The following AP1B1 variants were observed in gnomAD, a reference collection of about 807,000 sequenced individuals.
The protein encoded by AP1B1 is adaptor related protein complex 1 subunit beta 1.
AP1B1 carries 36 observed loss-of-function variants against 104.3 expected under a neutral mutation model. That is an observed-to-expected ratio of 0.35 (90% CI 0.26 to 0.46). AP1B1 has a LOEUF of 0.46. Ranked by LOEUF, AP1B1 falls within the 20% of genes least tolerant of loss-of-function variation. The probability of loss-of-function intolerance (pLI) is 1.00; values close to 1 mark genes in which losing one functional copy is unlikely to be tolerated. For synonymous variants in AP1B1, 504 were observed against 517.5 expected, an observed-to-expected ratio of 0.97 and a Z score of 0.35; for missense variants, 901 against 1,247.9, an observed-to-expected ratio of 0.72 and a Z score of 4.19.
At chr22:29,330,743 GC>G in intron 19 of AP1B1, 34 bp from the exon 20 acceptor site, 1 of 1,577,272 alleles carries the variant, frequency 6.3e-7, no homozygotes. Flanking sequence ...TGAGAGGCGA[GC>G]CCCTCATAAA....
intron 11 of AP1B1, 138 bp from the exon 12 acceptor site, chr22:29,342,521 C>A: frequency 1.4e-6 from 1 of 691,280 alleles, no homozygotes. Context: ...GGGGCTGTCA[C>A]GGCACACAGG....
At chr22:29,377,195 C>CAAAAAAAA (rs34466410) in intron 1 of AP1B1, among the ~76,000 whole-genome samples, 3 of 64,674 alleles carry the variant, frequency 4.6e-5, no homozygotes, top group African/African-American at 6.5e-5. Flanking sequence ...GACCCTGTCT[C>CAAAAAAAA]AAAAAAAAAA....
At position 29,341,558 on chromosome 22, in the gene AP1B1, G is replaced by A. The variant is rs765819352; in HGVS notation, c.1739C>T (p.Ala580Val). The part of the protein sequence containing the change: ...LASVYHKPPS[A>V]FVEGGRGVVH... Reference sequence around the variant, plus strand: ...GACGCCCCGGCCCCCCTCCACAAAGGCACTGGGAGGCTTATGGTAGACGGA... The same window carrying A: ...GACGCCCCGGCCCCCCTCCACAAAGACACTGGGAGGCTTATGGTAGACGGA... The change falls in exon 13 of 23, where the codon GCC (alanine) becomes GTC (valine). Residue 580 changes from alanine (A) to valine (V), a missense_variant. This residue lies in a region of AP1B1 where 424 missense variants were observed against 494.0 expected (regional missense o/e 0.86). Transcript: ENST00000357586. The A allele has an allele frequency of 2.5e-6, 4 of 1,614,214 alleles. No individual in the cohort carries two copies. In the Admixed American group the frequency reaches 6.7e-5, roughly 27 times the overall value.
At chr22:29,363,367 T>C (rs1386223197) in intron 2 of AP1B1, among the ~76,000 whole-genome samples, 4 of 152,106 alleles carry the variant, frequency 2.6e-5, no homozygotes, top group Non-Finnish European at 5.9e-5. Context: ...ATGCTGAGGA[T>C]TGGCCAGCAC....
At chr22:29,365,752 C>T (rs1260023050) in intron 2 of AP1B1, among the ~76,000 whole-genome samples, 3 of 151,592 alleles carry the variant, frequency 2.0e-5, no homozygotes, top group African/African-American at 7.3e-5. Flanking sequence ...AGCTCATGCC[C>T]ACTACCTTCC....
intron 16 of AP1B1, among the ~76,000 whole-genome samples, chr22:29,337,124 T>G (rs1014868814): frequency 6.6e-6 from 1 of 152,192 alleles, no homozygotes; most frequent in Non-Finnish European, 1.5e-5. Context: ...TGAAGGCAGG[T>G]GCACAGGTGG....
intron 3 of AP1B1, 125 bp from the exon 4 acceptor site, chr22:29,360,084 C>G (rs2062021297): frequency 3.8e-6 from 4 of 1,064,086 alleles, no homozygotes; most frequent in Non-Finnish European, 5.3e-6. Flanking sequence ...ACTGGACTTC[C>G]TGGTAAAAGG....
At chr22:29,357,567 T>C (rs1411125669) in intron 5 of AP1B1, among the ~76,000 whole-genome samples, 6 of 152,108 alleles carry the variant, frequency 3.9e-5, no homozygotes, top group Admixed American at 6.6e-5. Flanking sequence ...GGTTTCACTA[T>C]GTTGGCCAGG....
chr22:29,378,345 G>A (rs1009656607), intron 1 of AP1B1, among the ~76,000 whole-genome samples: 7 of 151,756 alleles, frequency 4.6e-5, no homozygotes, highest in Admixed American at 1.3e-4. Context: ...TCTCTTGAGC[G>A]CAGGAGTTCA....
chr22:29,378,852 C>T (rs1035056827), intron 1 of AP1B1, among the ~76,000 whole-genome samples: 8 of 111,220 alleles, frequency 7.2e-5, no homozygotes, highest in African/African-American at 2.8e-4. Flanking sequence ...GAGCAAGACT[C>T]CGTCCCACAA....
intron 6 of AP1B1, 53 bp from the exon 7 acceptor site, chr22:29,354,924 C>T: frequency 6.6e-7 from 1 of 1,526,260 alleles, no homozygotes; most frequent in Non-Finnish European, 9.1e-7. Context: ...GGGAAACATT[C>T]TGTTTTTAGT....
chr22:29,344,830 G>A (rs990845100), intron 11 of AP1B1, among the ~76,000 whole-genome samples: 2 of 151,878 alleles, frequency 1.3e-5, no homozygotes, highest in Admixed American at 6.6e-5. Context: ...GACTTTCTAA[G>A]TCTGCTGTCC....
intron 1 of AP1B1, among the ~76,000 whole-genome samples, chr22:29,376,191 A>G (rs1402738599): frequency 7.9e-5 from 12 of 152,240 alleles, no homozygotes; most frequent in Admixed American, 7.9e-4. Context: ...AAACAGTAAG[A>G]AGCCAAACAA....
chr22:29,357,070 T>G (rs1195684852), intron 5 of AP1B1, among the ~76,000 whole-genome samples: 10 of 142,116 alleles, frequency 7.0e-5, no homozygotes, highest in Non-Finnish European at 1.4e-4. Flanking sequence ...TTGTTTTTTG[T>G]TTTTTTTTTT....
chr22:29,333,579 T>C (rs558000438), intron 17 of AP1B1, among the ~76,000 whole-genome samples: 10 of 152,228 alleles, frequency 6.6e-5, no homozygotes, highest in African/African-American at 2.4e-4. Context: ...CCAGGTGTGG[T>C]GGCGTGCACC....
rs984870876 is a variant in AP1B1 at position 29,328,890 on chromosome 22, G to T, written c.2781C>A (p.Ser927=). 5 of 1,608,766 alleles carry T rather than the reference G, an allele frequency of 3.1e-6. No individual in the cohort carries two copies. Among genetic ancestry groups the T allele is most frequent in the African/African-American group, 1.3e-5 (1 of 74,974 alleles). Residue 927 remains serine, a synonymous_variant, in exon 23 of 23, where the codon TCC becomes TCA. Transcript: ENST00000357586. The surrounding 1 kb of genome is among the most constrained non-coding windows in gnomAD (Gnocchi z 4.1). ...ACACCTCTGGTGCTCGACACTTCAG[G>T]GACAGCTGCAGGGGAGAGAGGGGTC... ...GNPSCTDLEL[S]LKCRAPEVSQ... is the part of the protein sequence containing the mutation.
rs372307880 is a variant in AP1B1 at position 29,328,876 on chromosome 22, G to A, written c.2795C>T (p.Ala932Val). 6.2e-7 allele frequency: 1 copy of A among 1,609,490 alleles called. No individual in the cohort carries two copies. The highest frequency in any genetic ancestry group is 8.5e-7 in the Non-Finnish European group (1 of 1,179,176). Residue 932 changes from alanine (A) to valine (V), a missense_variant, in exon 23 of 23, where the codon GCA becomes GTA. Around this residue, in one of 3 missense-constraint regions of AP1B1, gnomAD observed 424 missense variants for 494.0 expected, o/e 0.86. Coordinates refer to ENST00000357586, the MANE Select transcript of AP1B1 (RefSeq NM_001127.4). The surrounding 1 kb of genome is among the most constrained non-coding windows in gnomAD (Gnocchi z 4.1). ...TDLELSLKCR[A>V]PEVSQHVYQA... ...GTACACGTGCTGGGACACCTCTGGT[G>A]CTCGACACTTCAGGGACAGCTGCAG... is the stretch of plus-strand genomic sequence containing the variant.
chr22:29,364,952 A>C (rs889581936), intron 2 of AP1B1, among the ~76,000 whole-genome samples: 1 of 147,128 alleles, frequency 6.8e-6, no homozygotes, highest in South Asian at 2.2e-4. Flanking sequence ...CAGGTGATCC[A>C]CCCGCCTCAG....
At chr22:29,375,955 T>G (rs1432445525) in intron 1 of AP1B1, among the ~76,000 whole-genome samples, 2 of 152,166 alleles carry the variant, frequency 1.3e-5, no homozygotes, top group African/African-American at 2.4e-5. Flanking sequence ...TGAAAACCAG[T>G]CTACTGAATG....
Sources: allele counts gnomAD v4.1 joint callset (sites outside exome capture counted in the v4.1 genomes callset), GRCh38; gene constraint gnomAD v4.1.1; regional missense constraint gnomAD v4.1.1; non-coding constraint Gnocchi (gnomAD v3.1); transcripts MANE v1.5; gene names NCBI Gene and HGNC (gene_info 2026-07-23, HGNC 2026-07-21).